The following TSPEAR variants were observed in gnomAD, a reference collection of about 807,000 sequenced individuals.
TSPEAR encodes the protein thrombospondin-type laminin G domain and EAR repeat-containing protein.
In TSPEAR, 69 loss-of-function variants were observed where a neutral mutation model predicts 71.6. The observed-to-expected ratio is 0.96, with a 90% CI of 0.79 to 1.18. The LOEUF (loss-of-function observed/expected upper bound fraction) is 1.18. TSPEAR is among the 50% of genes most tolerant of loss of function. TSPEAR has a pLI of 0.00. For missense variants in TSPEAR, 971 were observed against 894.9 expected, an observed-to-expected ratio of 1.09 and a Z score of -1.09; for synonymous variants, 402 against 387.2, an observed-to-expected ratio of 1.04 and a Z score of -0.45.
chr21:44,595,175 G>A (rs1399413280), intron 1 of TSPEAR, among the ~76,000 whole-genome samples: 1 of 152,038 alleles, frequency 6.6e-6, no homozygotes, highest in Non-Finnish European at 1.5e-5. Flanking sequence ...CTCTTCTCAG[G>A]AAGCAGCTAC....
chr21:44,709,115 C>G (rs988962501), intron 1 of TSPEAR, among the ~76,000 whole-genome samples: 5 of 152,046 alleles, frequency 3.3e-5, no homozygotes, highest in African/African-American at 1.2e-4. Flanking sequence ...TCCCACCCAG[C>G]CCCCCAGAGC....
At chr21:44,545,850 C>T (rs992791406) in intron 2 of TSPEAR, among the ~76,000 whole-genome samples, 1 of 151,718 alleles carries the variant, frequency 6.6e-6, no homozygotes, top group Non-Finnish European at 1.5e-5. Flanking sequence ...TCTTAAGGAA[C>T]TAGAAAAAGA....
intron 11 of TSPEAR, among the ~76,000 whole-genome samples, chr21:44,503,764 G>C (rs587600858): frequency 7.8e-6 from 1 of 128,486 alleles, no homozygotes; most frequent in Non-Finnish European, 1.6e-5. Flanking sequence ...GTGAGCCCTC[G>C]GGGGGAAGCA....
intron 1 of TSPEAR, among the ~76,000 whole-genome samples, chr21:44,706,393 C>A (rs189552332): frequency 6.6e-6 from 1 of 150,642 alleles, no homozygotes; most frequent in Non-Finnish European, 1.5e-5. Flanking sequence ...GCGCGTGCAC[C>A]CATGCGCACG....
chr21:44,524,183 A>T (rs1230405327), intron 8 of TSPEAR, among the ~76,000 whole-genome samples: 1 of 149,008 alleles, frequency 6.7e-6, no homozygotes, highest in Non-Finnish European at 1.5e-5. Flanking sequence ...AGTCAGTCAG[A>T]CAGTCAGGTA....
At chr21:44,535,723 CA>C (rs1370164529) in intron 2 of TSPEAR, among the ~76,000 whole-genome samples, 1 of 152,128 alleles carries the variant, frequency 6.6e-6, no homozygotes, top group African/African-American at 2.4e-5. Flanking sequence ...CACACCACCA[CA>C]CCCAGCTAAT....
intron 1 of TSPEAR, chr21:44,574,706 C>A: frequency 1.2e-6 from 2 of 1,608,918 alleles, no homozygotes; most frequent in African/African-American, 2.7e-5. Flanking sequence ...GCCAGCAGGG[C>A]TGCTGCGTGC....
intron 1 of TSPEAR, among the ~76,000 whole-genome samples, chr21:44,621,765 C>T (rs1156269182): frequency 6.6e-6 from 1 of 152,204 alleles, no homozygotes; most frequent in African/African-American, 2.4e-5. Context: ...TGTAGGAAAG[C>T]TTTTGATGTT....
At chr21:44,690,093 CCAAT>C (rs1987063376) in intron 1 of TSPEAR, among the ~76,000 whole-genome samples, 1 of 152,112 alleles carries the variant, frequency 6.6e-6, no homozygotes. Context: ...ATCCTTCAAT[CCAAT>C]CAAGTTGACA....
At chr21:44,530,942 A>G in intron 4 of TSPEAR, 101 bp downstream of exon 4, 2 of 933,880 alleles carry the variant, frequency 2.1e-6, no homozygotes, top group Middle Eastern at 2.8e-4. Flanking sequence ...TTTCCCAGTT[A>G]GCACGTCCAA....
At chr21:44,609,972 A>G (rs1221870548) in intron 1 of TSPEAR, among the ~76,000 whole-genome samples, 1 of 152,188 alleles carries the variant, frequency 6.6e-6, no homozygotes, top group Non-Finnish European at 1.5e-5. Context: ...GCAAGAAATA[A>G]CAGAGCATGT....
intron 2 of TSPEAR, chr21:44,558,514 G>C (rs1569185631): frequency 1.2e-6 from 2 of 1,613,802 alleles, no homozygotes; most frequent in Non-Finnish European, 8.5e-7. Flanking sequence ...CAGCCTGACT[G>C]GCAGGGGCTG....
intron 1 of TSPEAR, among the ~76,000 whole-genome samples, chr21:44,657,718 C>T (rs1985234267): frequency 6.6e-6 from 1 of 152,176 alleles, no homozygotes; most frequent in South Asian, 2.1e-4. Context: ...TGACAAAAAA[C>T]CTGCATAACG....
At chr21:44,603,192 G>T (rs1981090032) in intron 1 of TSPEAR, among the ~76,000 whole-genome samples, 2 of 152,090 alleles carry the variant, frequency 1.3e-5, no homozygotes, top group Admixed American at 1.3e-4. Context: ...CTCTGGCGTG[G>T]GGCTGGAGCA....
In TSPEAR at chr21:44,580,084, G is replaced by A. The variant is rs782450939; in HGVS notation, c.83-12079C>T. The A allele has an allele frequency of 2.9e-5, 47 of 1,613,526 alleles. No individual in the cohort carries two copies. The East Asian group carries it at 1.0e-3, about 34-fold the overall frequency. ...CGTAGCAGGACTGCTGGCAGGGGGA[G>A]GAGGTGCAGCAAGTCGGCTGGCAGC... On this transcript the variant is annotated intron_variant, in intron 1 of 11. Transcript: ENST00000323084.
intron 2 of TSPEAR, chr21:44,557,802 G>A: frequency 1.8e-6 from 1 of 560,462 alleles, no homozygotes; most frequent in East Asian, 2.9e-5. Flanking sequence ...GGGCACATTG[G>A]TGACTTTATT....
intron 2 of TSPEAR, among the ~76,000 whole-genome samples, chr21:44,538,652 C>A (rs1281281856): frequency 6.6e-6 from 1 of 152,182 alleles, no homozygotes; most frequent in Non-Finnish European, 1.5e-5. Flanking sequence ...GCCCGGACCC[C>A]AGGGCAGCTT....
chr21:44,543,092 G>A (rs1310226164), intron 2 of TSPEAR, among the ~76,000 whole-genome samples: 1 of 152,012 alleles, frequency 6.6e-6, no homozygotes, highest in Non-Finnish European at 1.5e-5. Flanking sequence ...TCTGGACACC[G>A]AGAGGATATG....
intron 1 of TSPEAR, chr21:44,575,348 G>A (rs1189640888): frequency 9.3e-6 from 3 of 323,300 alleles, no homozygotes; most frequent in Non-Finnish European, 1.8e-5. Context: ...ACCAATAAAG[G>A]CCCTGAGACT....
Sources: gnomAD v4.1 joint callset for allele counts (sites outside exome capture counted in the v4.1 genomes callset) on GRCh38, gnomAD v4.1.1 for gene constraint, MANE v1.5 for transcripts, NCBI Gene and HGNC (gene_info 2026-07-23, HGNC 2026-07-21) for gene names.